Variants in LOXHD1 observed in about 807,000 individuals in gnomAD.
LOXHD1 encodes the protein lipoxygenase homology PLAT domains 1.
A neutral mutation model predicts 248.2 loss-of-function variants in LOXHD1; 205 were observed. That is an observed-to-expected ratio of 0.83 (90% CI 0.74 to 0.93). LOXHD1 has a LOEUF of 0.93. LOXHD1 is among the 40% of genes least tolerant of loss of function. The pLI, the probability that LOXHD1 is intolerant of heterozygous loss-of-function variation, is 0.00. For missense variants in LOXHD1, 2,930 were observed against 2,971.6 expected, an observed-to-expected ratio of 0.99 and a Z score of 0.33; for synonymous variants, 1,113 against 1,162.8, an observed-to-expected ratio of 0.96 and a Z score of 0.87.
At chr18:46,514,108 C>T (rs1364416834) in intron 34 of LOXHD1, among the ~76,000 whole-genome samples, 1 of 152,202 alleles carries the variant, frequency 6.6e-6, no homozygotes, top group African/African-American at 2.4e-5. Context: ...ATCTTGTGGG[C>T]ATCTTTGCTG....
At chr18:46,519,550 A>G (rs1054525910) in intron 33 of LOXHD1, among the ~76,000 whole-genome samples, 4 of 152,190 alleles carry the variant, frequency 2.6e-5, no homozygotes, top group Admixed American at 2.6e-4. Context: ...TTTACCAAGA[A>G]AATCCCCTTA....
At chr18:46,520,991 C>T (rs560233976) in intron 33 of LOXHD1, 106 bp downstream of exon 33, 1 of 1,337,376 alleles carries the variant, frequency 7.5e-7, no homozygotes, top group African/African-American at 1.5e-5. Flanking sequence ...TGCGGATGCC[C>T]CAGTGATGAG....
intron 12 of LOXHD1, among the ~76,000 whole-genome samples, chr18:46,580,972 G>T (rs1284952917): frequency 6.6e-6 from 1 of 152,186 alleles, no homozygotes; most frequent in African/African-American, 2.4e-5. Flanking sequence ...TGGATACATG[G>T]GGTGTAGCGG....
chr18:46,486,606 G>T (rs2033071970), intron 38 of LOXHD1, among the ~76,000 whole-genome samples: 2 of 152,162 alleles, frequency 1.3e-5, no homozygotes, highest in South Asian at 2.1e-4. Flanking sequence ...TTTCCCATGG[G>T]AGGTGATGGT....
intron 4 of LOXHD1, among the ~76,000 whole-genome samples, chr18:46,635,384 T>C (rs1241167866): frequency 1.3e-5 from 2 of 152,164 alleles, no homozygotes; most frequent in African/African-American, 4.8e-5. Context: ...GGTGCCAGAC[T>C]AATTGCCCTT....
At chr18:46,565,439 C>G (rs2037621108) in intron 17 of LOXHD1, among the ~76,000 whole-genome samples, 1 of 152,198 alleles carries the variant, frequency 6.6e-6, no homozygotes, top group African/African-American at 2.4e-5. Flanking sequence ...CTATTATTGT[C>G]TGTCTCCCCT....
intron 14 of LOXHD1, among the ~76,000 whole-genome samples, chr18:46,573,754 A>G (rs2037801894): frequency 6.6e-6 from 1 of 152,166 alleles, no homozygotes; most frequent in South Asian, 2.1e-4. Context: ...CCAAAACACA[A>G]GATCTGACAT....
intron 13 of LOXHD1, 94 bp downstream of exon 13, chr18:46,579,536 C>A: frequency 6.7e-7 from 1 of 1,498,750 alleles, no homozygotes; most frequent in Non-Finnish European, 9.1e-7. Context: ...CCAGGACCAG[C>A]ATCAGCTCAA....
chr18:46,640,416 C>T (rs146140225), intron 3 of LOXHD1, among the ~76,000 whole-genome samples: 3,534 of 152,316 alleles, frequency 0.023, 60 homozygotes, highest in Middle Eastern at 0.058. Context: ...CTTAGTCCTA[C>T]AATCCAGAGG....
At chr18:46,507,279 C>T (rs1488256266) in intron 36 of LOXHD1, among the ~76,000 whole-genome samples, 1 of 152,192 alleles carries the variant, frequency 6.6e-6, no homozygotes, top group Admixed American at 6.5e-5. Flanking sequence ...AGTGCCTGTA[C>T]CATTTCCAAA....
chr18:46,653,238 C>T (rs553675953), intron 1 of LOXHD1, among the ~76,000 whole-genome samples: 96 of 152,164 alleles, frequency 6.3e-4, no homozygotes, highest in African/African-American at 2.1e-3. Flanking sequence ...CAGAGCGAGA[C>T]TCCATCTCAA....
rs1474077583 is a variant in LOXHD1 at position 46,578,542 on chromosome 18, CA to C, written c.1810-676del. On this transcript the variant is annotated intron_variant, in intron 13 of 40. Coordinates refer to ENST00000642948, the MANE Select transcript of LOXHD1 (RefSeq NM_001384474.1). ...CTGAGTCCACCCACAACATCCTGCT[CA>C]GATTATTTTTTGCCACTGCAGCCTT... is the stretch of plus-strand genomic sequence containing the variant. Among the ~76,000 whole-genome samples, 9 of 55,968 alleles carry C rather than the reference CA, an allele frequency of 1.6e-4. No individual in the cohort carries two copies. In the East Asian group the frequency reaches 2.6e-3, roughly 16 times the overall value. The allele number at this position is 55,968 out of a possible 152,430, so 36.7% of individuals were successfully genotyped here.
At chr18:46,625,858 A>G (rs79118865) in intron 4 of LOXHD1, among the ~76,000 whole-genome samples, 12,157 of 151,776 alleles carry the variant, frequency 0.08, 629 homozygotes, top group Non-Finnish European at 0.12. Context: ...TCTACGGAAG[A>G]CCCCTCCCAT....
intron 29 of LOXHD1, among the ~76,000 whole-genome samples, chr18:46,527,483 A>T (rs565738178): frequency 6.6e-6 from 1 of 152,250 alleles, no homozygotes; most frequent in African/African-American, 2.4e-5. Flanking sequence ...CTCAAAATTA[A>T]CTCTTTTTTA....
rs528648812 is a variant in LOXHD1, at chr18:46,560,800, C to T, written c.2599-255G>A. Among the ~76,000 whole-genome samples the T allele has an allele frequency of 4.6e-5, 7 of 152,180 alleles. No homozygotes were observed. The South Asian group carries it at 1.5e-3, about 32-fold the overall frequency. ...CCAACTTCTGTGTGGGCAAGCTGGTCTCCCTCTTCTCTCTTAAACACATAT... is the reference window on the plus strand; with the variant it reads ...CCAACTTCTGTGTGGGCAAGCTGGTTTCCCTCTTCTCTCTTAAACACATAT... On this transcript the variant is annotated intron_variant, in intron 18 of 40. Coordinates refer to ENST00000642948, the MANE Select transcript of LOXHD1 (RefSeq NM_001384474.1).
At chr18:46,584,623 A>G (rs2038025115) in intron 12 of LOXHD1, among the ~76,000 whole-genome samples, 1 of 152,126 alleles carries the variant, frequency 6.6e-6, no homozygotes, top group African/African-American at 2.4e-5. Context: ...TGTTTTTATT[A>G]CTGAATTCTA....
chr18:46,620,934 A>G (rs2038660284), intron 4 of LOXHD1, among the ~76,000 whole-genome samples: 1 of 152,168 alleles, frequency 6.6e-6, no homozygotes, highest in Non-Finnish European at 1.5e-5. Context: ...CAAAGTCTGG[A>G]GAAGCAGACC....
intron 37 of LOXHD1, among the ~76,000 whole-genome samples, chr18:46,503,399 A>C (rs1412636443): frequency 6.6e-6 from 1 of 152,148 alleles, no homozygotes; most frequent in Non-Finnish European, 1.5e-5. Flanking sequence ...AGGCCTGTGG[A>C]GATACACAGA....
rs2036578574 is a variant in LOXHD1 at position 46,541,916 on chromosome 18, T to TCTACAAACCAGC, written c.3761_3772dup (p.Gly1254_Val1257dup). On this transcript the variant is annotated inframe_insertion, in exon 25 of 41. Coordinates refer to ENST00000642948, the MANE Select transcript of LOXHD1 (RefSeq NM_001384474.1). Reference sequence around the variant, plus strand: ...AGATGGGGCATCCACCTCTACCCAGTCTACAAACCAGCCTGGGGCCTTGCC... The same window carrying TCTACAAACCAGC: ...AGATGGGGCATCCACCTCTACCCAGTCTACAAACCAGCCTACAAACCAGCCTGGGGCCTTGCC... 1 of 1,551,556 alleles carries TCTACAAACCAGC rather than the reference T, an allele frequency of 6.4e-7. No homozygotes were observed. The highest frequency in any genetic ancestry group is 2.0e-5 in the Admixed American group (1 of 51,000).
Sources: gnomAD v4.1 joint callset for allele counts (sites outside exome capture counted in the v4.1 genomes callset) on GRCh38, gnomAD v4.1.1 for gene constraint, MANE v1.5 for transcripts, NCBI Gene and HGNC (gene_info 2026-07-23, HGNC 2026-07-21) for gene names.